The following FILIP1L variants were observed in gnomAD, a reference collection of about 807,000 sequenced individuals.
FILIP1L encodes the protein filamin A-interacting protein 1-like.
In FILIP1L, 55 loss-of-function variants were observed where a neutral mutation model predicts 96.6. The ratio of observed to expected loss-of-function variants is 0.57; its 90% CI spans 0.46 to 0.71. FILIP1L has a LOEUF of 0.71. Ranked by LOEUF, FILIP1L falls within the 30% of genes least tolerant of loss-of-function variation. The pLI, the probability that FILIP1L is intolerant of heterozygous loss-of-function variation, is 0.00. For missense variants in FILIP1L, 1,304 were observed against 1,321.2 expected (o/e 0.99, Z 0.20); for synonymous variants, 467 against 473.9 (o/e 0.99, Z 0.19).
At chr3:100,064,463 C>G (rs2065628284) in intron 1 of FILIP1L, among the ~76,000 whole-genome samples, 1 of 152,078 alleles carries the variant, frequency 6.6e-6, no homozygotes, top group South Asian at 2.1e-4. Context: ...TTGCCAGCCC[C>G]TTACTGCATT....
At chr3:100,109,340 C>T (rs2066448981) in intron 1 of FILIP1L, among the ~76,000 whole-genome samples, 1 of 152,128 alleles carries the variant, frequency 6.6e-6, no homozygotes, top group South Asian at 2.1e-4. Context: ...GTATGCTTTA[C>T]ATATAGTAAA....
At chr3:99,862,992 G>T (rs1372589614) in intron 4 of FILIP1L, among the ~76,000 whole-genome samples, 1 of 152,100 alleles carries the variant, frequency 6.6e-6, no homozygotes, top group Non-Finnish European at 1.5e-5. Flanking sequence ...TCATTTTTTG[G>T]ATGTGAATGT....
In FILIP1L at chr3:99,991,975, C is replaced by T. The variant is rs138203799; in HGVS notation, c.-10-60945G>A. ...GTATATATGTGTGTATATATACACA[C>T]ATATATGTGTATATATACGTATATA... On this transcript the variant is annotated intron_variant, in intron 1 of 5. Coordinates refer to ENST00000477258, the MANE Select transcript of FILIP1L (RefSeq NM_001387850.1). Among the ~76,000 whole-genome samples the T allele has an allele frequency of 3.4e-3, 501 of 146,468 alleles. 4 individuals carry two copies. Among genetic ancestry groups the T allele is most frequent in the African/African-American group, 0.012 (468 of 39,520 alleles).
At chr3:100,063,768 C>T (rs1036044370) in intron 1 of FILIP1L, among the ~76,000 whole-genome samples, 2 of 152,164 alleles carry the variant, frequency 1.3e-5, no homozygotes, top group Non-Finnish European at 2.9e-5. Flanking sequence ...CATATCAAAA[C>T]TCTGGACTTC....
chr3:100,000,860 A>G (rs370800547), intron 1 of FILIP1L, among the ~76,000 whole-genome samples: 1 of 152,270 alleles, frequency 6.6e-6, no homozygotes, highest in East Asian at 1.9e-4. Context: ...TTTAACAAAT[A>G]TATTACTCAG....
At chr3:99,975,963 C>A in intron 1 of FILIP1L, among the ~76,000 whole-genome samples, 1 of 152,212 alleles carries the variant, frequency 6.6e-6, no homozygotes, top group East Asian at 1.9e-4. Flanking sequence ...TGGCTCACTG[C>A]AACCTCCGCC....
intron 1 of FILIP1L, among the ~76,000 whole-genome samples, chr3:100,095,275 G>A (rs531849684): frequency 1.1e-4 from 16 of 152,040 alleles, no homozygotes; most frequent in Admixed American, 7.8e-4. Context: ...AAAATCTTGC[G>A]GAGATTTTAG....
intron 1 of FILIP1L, among the ~76,000 whole-genome samples, chr3:100,103,710 G>GC (rs2066347280): frequency 6.6e-6 from 1 of 152,138 alleles, no homozygotes; most frequent in Non-Finnish European, 1.5e-5. Flanking sequence ...ATTACAAACT[G>GC]CCCCCTGGGA....
intron 4 of FILIP1L, among the ~76,000 whole-genome samples, chr3:99,923,385 A>T (rs764348267): frequency 6.6e-6 from 1 of 152,164 alleles, no homozygotes; most frequent in Non-Finnish European, 1.5e-5. Flanking sequence ...CTACTCACCA[A>T]GTAGAAACCA....
intron 4 of FILIP1L, among the ~76,000 whole-genome samples, chr3:99,875,801 A>C (rs1233166337): frequency 6.6e-6 from 1 of 152,172 alleles, no homozygotes; most frequent in Non-Finnish European, 1.5e-5. Context: ...TGTGTAGCTC[A>C]CTTGGAAAGC....
chr3:100,068,487 ATATT>A (rs766015002), intron 1 of FILIP1L, among the ~76,000 whole-genome samples: 13 of 152,184 alleles, frequency 8.5e-5, no homozygotes, highest in Non-Finnish European at 1.6e-4. Flanking sequence ...TTTAATGTAA[ATATT>A]CATACATCTT....
At chr3:99,929,008 C>A (rs1235492460) in intron 3 of FILIP1L, among the ~76,000 whole-genome samples, 1 of 152,190 alleles carries the variant, frequency 6.6e-6, no homozygotes, top group Non-Finnish European at 1.5e-5. Flanking sequence ...AGAGGTCAGT[C>A]CTGAGGTAGG....
At chr3:99,951,300 A>G (rs1027333883) in intron 1 of FILIP1L, among the ~76,000 whole-genome samples, 6 of 152,062 alleles carry the variant, frequency 3.9e-5, no homozygotes, top group African/African-American at 1.2e-4. Context: ...TACAGTAGCT[A>G]TTTTACTTAC....
chr3:100,079,288 A>G (rs1376759859), intron 1 of FILIP1L, among the ~76,000 whole-genome samples: 1 of 152,226 alleles, frequency 6.6e-6, no homozygotes, highest in Non-Finnish European at 1.5e-5. Flanking sequence ...AAGTATTCAA[A>G]AAGCCAGCCT....
At chr3:99,910,647 A>G (rs1378489172) in intron 4 of FILIP1L, among the ~76,000 whole-genome samples, 1 of 136,534 alleles carries the variant, frequency 7.3e-6, no homozygotes, top group African/African-American at 2.5e-5. Flanking sequence ...AATTCTAACT[A>G]TTATCTCCAT....
intron 4 of FILIP1L, among the ~76,000 whole-genome samples, chr3:99,900,519 A>G (rs947641932): frequency 6.6e-6 from 1 of 152,194 alleles, no homozygotes; most frequent in Non-Finnish European, 1.5e-5. Flanking sequence ...CATAGACAAG[A>G]TTTCAAACCA....
chr3:99,865,019 A>G (rs1197763234), intron 4 of FILIP1L, among the ~76,000 whole-genome samples: 1 of 152,150 alleles, frequency 6.6e-6, no homozygotes, highest in Non-Finnish European at 1.5e-5. Context: ...TATTCAATAA[A>G]TATTTGAACA....
At chr3:100,076,397 GC>G (rs1206505269) in intron 1 of FILIP1L, among the ~76,000 whole-genome samples, 2 of 152,066 alleles carry the variant, frequency 1.3e-5, no homozygotes, top group Non-Finnish European at 2.9e-5. Context: ...CTCACCACCC[GC>G]CCAACACCCT....
chr3:100,057,728 G>T (rs974501694), intron 1 of FILIP1L, among the ~76,000 whole-genome samples: 3 of 152,144 alleles, frequency 2.0e-5, no homozygotes, highest in East Asian at 1.9e-4. Context: ...GCATGCATTT[G>T]GTCGCAGAAG....
Sources: gnomAD v4.1 joint callset for allele counts (sites outside exome capture counted in the v4.1 genomes callset) on GRCh38, gnomAD v4.1.1 for gene constraint, MANE v1.5 for transcripts, NCBI Gene and HGNC (gene_info 2026-07-23, HGNC 2026-07-21) for gene names.